The following RARB variants were observed in gnomAD, a reference collection of about 807,000 sequenced individuals.
RARB encodes retinoic acid receptor beta, also known as HBV-activated protein.
RARB carries 17 observed loss-of-function variants against 51.9 expected under a neutral mutation model. The observed-to-expected ratio is 0.33, with a 90% confidence interval of 0.22 to 0.49. RARB has a LOEUF of 0.49. RARB is among the 20% of genes least tolerant of loss of function. The pLI is 0.99. For missense variants in RARB, 369 were observed against 550.8 expected, an observed-to-expected ratio of 0.67 and a Z score of 3.30; for synonymous variants, 215 against 195.4, an observed-to-expected ratio of 1.10 and a Z score of -0.84.
intron 3 of RARB, among the ~76,000 whole-genome samples, chr3:25,517,869 G>A (rs1413510853): frequency 4.6e-5 from 7 of 152,028 alleles, no homozygotes; most frequent in Non-Finnish European, 7.4e-5. Flanking sequence ...AAAATATTAC[G>A]CTAAGTGAAA....
intron 5 of RARB, among the ~76,000 whole-genome samples, chr3:25,293,782 C>A (rs545611425): frequency 2.0e-5 from 3 of 152,128 alleles, no homozygotes; most frequent in African/African-American, 7.2e-5. Flanking sequence ...TCTGCCTGTT[C>A]TCTGCCACCA....
chr3:24,933,763 CT>C (rs1309358468), intron 2 of RARB, among the ~76,000 whole-genome samples: 6 of 152,160 alleles, frequency 3.9e-5, no homozygotes, highest in Middle Eastern at 3.4e-3. Flanking sequence ...AACAAATAGA[CT>C]TTTTTTGTGA....
intron 2 of RARB, among the ~76,000 whole-genome samples, chr3:24,864,039 T>C (rs1349391139): frequency 2.6e-5 from 4 of 152,208 alleles, no homozygotes; most frequent in Non-Finnish European, 5.9e-5. Context: ...ATGAATGTGA[T>C]TTTCTGCCCT....
At chr3:25,276,208 G>C (rs1251514069) in intron 5 of RARB, among the ~76,000 whole-genome samples, 3 of 152,160 alleles carry the variant, frequency 2.0e-5, no homozygotes, top group African/African-American at 7.2e-5. Context: ...AACTGGGGTA[G>C]TGTGTTATCT....
chr3:24,875,968 T>C (rs1336239737), intron 2 of RARB, among the ~76,000 whole-genome samples: 1 of 152,168 alleles, frequency 6.6e-6, no homozygotes, highest in Non-Finnish European at 1.5e-5. Context: ...GTTTGGTTTG[T>C]TGGACTCCTC....
At chr3:25,431,673 G>T (rs1708212063) in intron 1 of RARB, among the ~76,000 whole-genome samples, 2 of 152,114 alleles carry the variant, frequency 1.3e-5, no homozygotes, top group Non-Finnish European at 2.9e-5. Flanking sequence ...GAAATAACGA[G>T]TGTGACAACT....
At chr3:25,356,664 T>A (rs1020403979) in intron 5 of RARB, among the ~76,000 whole-genome samples, 3 of 152,058 alleles carry the variant, frequency 2.0e-5, no homozygotes, top group Non-Finnish European at 2.9e-5. Context: ...TCACTCCCCT[T>A]GCCCCCCATT....
intron 5 of RARB, among the ~76,000 whole-genome samples, chr3:25,281,422 T>A (rs1703519290): frequency 6.6e-6 from 1 of 152,238 alleles, no homozygotes; most frequent in African/African-American, 2.4e-5. Context: ...GGGGTTTCCC[T>A]GTAATCCATT....
At chr3:25,205,119 C>G (rs1357394077) in intron 5 of RARB, among the ~76,000 whole-genome samples, 1 of 152,186 alleles carries the variant, frequency 6.6e-6, no homozygotes, top group East Asian at 1.9e-4. Flanking sequence ...CAAGCCTCAG[C>G]AATGGCGGGT....
At chr3:24,860,073 T>G (rs1008070451) in intron 2 of RARB, among the ~76,000 whole-genome samples, 1 of 152,182 alleles carries the variant, frequency 6.6e-6, no homozygotes, top group African/African-American at 2.4e-5. Flanking sequence ...CCACTTGGTT[T>G]GTGATGCTGC....
chr3:24,963,273 G>A (rs148100190), intron 2 of RARB, among the ~76,000 whole-genome samples: 4 of 151,910 alleles, frequency 2.6e-5, no homozygotes, highest in South Asian at 2.1e-4. Flanking sequence ...CCTTTGCAAC[G>A]TCAAGCAAAG....
rs567665734 is a variant in RARB at position 25,147,542 on chromosome 3, G to C, written c.-280+15334G>C. Among the ~76,000 whole-genome samples the C allele has an allele frequency of 6.6e-5, 10 of 152,280 alleles. No homozygotes were observed. In the East Asian group the frequency reaches 1.4e-3, roughly 21 times the overall value. The stretch of plus-strand genomic sequence containing the variant: ...TCTCATTTTCAAAATAAGAATTCCA[G>C]TTTTGAATGAAAGAAAAGTGGTTAC... On this transcript the variant is annotated intron_variant, in intron 4 of 11. Coordinates refer to the RARB transcript ENST00000383772.
chr3:25,148,605 A>G (rs1700232399), intron 4 of RARB, among the ~76,000 whole-genome samples: 1 of 152,194 alleles, frequency 6.6e-6, no homozygotes. Context: ...CGTGTGGTGC[A>G]GTGGAAAATA....
intron 3 of RARB, among the ~76,000 whole-genome samples, chr3:25,549,417 G>A (rs989584051): frequency 4.6e-5 from 7 of 152,092 alleles, no homozygotes; most frequent in African/African-American, 1.4e-4. Context: ...TGAACATTAC[G>A]TTCTGATTCA....
intron 3 of RARB, among the ~76,000 whole-genome samples, chr3:25,096,314 T>G (rs1481044629): frequency 6.6e-6 from 1 of 152,082 alleles, no homozygotes; most frequent in East Asian, 1.9e-4. Flanking sequence ...AACTGAGAAC[T>G]TGTATGGTGC....
chr3:25,317,562 A>G (rs1468037231), intron 5 of RARB, among the ~76,000 whole-genome samples: 3 of 152,178 alleles, frequency 2.0e-5, no homozygotes, highest in African/African-American at 7.2e-5. Flanking sequence ...TAACATGGGT[A>G]GTAACCATTT....
intron 3 of RARB, among the ~76,000 whole-genome samples, chr3:25,551,602 A>C (rs1209464920): frequency 6.6e-6 from 1 of 152,188 alleles, no homozygotes; most frequent in African/African-American, 2.4e-5. Context: ...TCTAATGGGC[A>C]ATGGGATGGT....
chr3:25,428,029 ACTT>A (rs1247949751), upstream of RARB, among the ~76,000 whole-genome samples: 6 of 152,130 alleles, frequency 3.9e-5, no homozygotes, highest in Non-Finnish European at 8.8e-5. Context: ...TTTTAAAAGC[ACTT>A]CTTGTATTGT....
At position 25,428,339 on chromosome 3, in the gene RARB, C is replaced by T. The variant is rs1559396570; in HGVS notation, c.-393C>T. The T allele has an allele frequency of 8.0e-7, 1 of 1,246,652 alleles. No homozygotes were observed. The highest frequency in any genetic ancestry group is 3.8e-5 in the South Asian group (1 of 26,124). The allele number at this position is 1,246,652 out of a possible 1,614,324, so 77.2% of individuals were successfully genotyped here. A position where few individuals can be genotyped will look rare whatever the true frequency, so the allele number is the denominator to read the frequency against. On this transcript the variant is annotated 5_prime_UTR_variant, in exon 1 of 8. Transcript: ENST00000330688. Reference sequence around the variant, plus strand: ...TTGCCAAAGGGGGGACCAGAATTCCCCCATGCGAGCTGTTTGAGGACTGGG... The same window carrying T: ...TTGCCAAAGGGGGGACCAGAATTCCTCCATGCGAGCTGTTTGAGGACTGGG...
Sources: allele counts gnomAD v4.1 joint callset (sites outside exome capture counted in the v4.1 genomes callset), GRCh38; gene constraint gnomAD v4.1.1; transcripts MANE v1.5; gene names NCBI Gene and HGNC (gene_info 2026-07-23, HGNC 2026-07-21).